The following CAMTA1 variants were observed in gnomAD, a reference collection of about 807,000 sequenced individuals.
CAMTA1 encodes the protein calmodulin binding transcription activator 1.
CAMTA1 carries 27 observed loss-of-function variants against 170.9 expected under a neutral mutation model. That is an observed-to-expected ratio of 0.16 (90% CI 0.12 to 0.22). CAMTA1 has a LOEUF of 0.22. CAMTA1 is among the 10% of genes least tolerant of loss of function. The pLI, the probability that CAMTA1 is intolerant of heterozygous loss-of-function variation, is 1.00. For synonymous variants in CAMTA1, 833 were observed against 891.5 expected, an observed-to-expected ratio of 0.93 and a Z score of 1.17; for missense variants, 1,619 against 2,217.2, an observed-to-expected ratio of 0.73 and a Z score of 5.42.
chr1:7,363,244 A>T (rs2085694688), intron 5 of CAMTA1, among the ~76,000 whole-genome samples: 1 of 152,234 alleles, frequency 6.6e-6, no homozygotes, highest in Non-Finnish European at 1.5e-5. Flanking sequence ...TGGGTGATTA[A>T]TATCTCTTTT....
At chr1:7,310,659 CTT>C (rs56760357) in intron 5 of CAMTA1, among the ~76,000 whole-genome samples, 1 of 42,102 alleles carries the variant, frequency 2.4e-5, no homozygotes, top group East Asian at 5.2e-4. Flanking sequence ...TTCTTTCTTT[CTT>C]TCTTTCTTTC....
Position 6,887,718 on chromosome 1 carries a change from AG to A in CAMTA1, c.234+62511del, listed in dbSNP as rs1335052144. The A allele has an allele frequency of 6.5e-7, 1 of 1,535,340 alleles. No homozygotes were observed. The highest frequency in any genetic ancestry group is 8.7e-7 in the Non-Finnish European group (1 of 1,146,638). ...AGGGATCCACAGAGCTGGAGCCATG[AG>A]GGCTGACACATTGGAATGAAAGCTG... On this transcript the variant is annotated intron_variant, in intron 3 of 22. Transcript: ENST00000303635. The surrounding 1 kb of genome is among the most constrained non-coding windows in gnomAD (Gnocchi z 4.1).
intron 5 of CAMTA1, among the ~76,000 whole-genome samples, chr1:7,398,154 GCTCTCTCTCTCTCTCT>G (rs371668581): frequency 1.5e-4 from 4 of 26,262 alleles, no homozygotes; most frequent in African/African-American, 2.1e-4. Flanking sequence ...TAATAATATT[GCTCTCTCTCTCTCTCT>G]CTCTCTCTCT....
At chr1:6,829,733 G>A (rs943602888) in intron 3 of CAMTA1, among the ~76,000 whole-genome samples, 51 of 152,314 alleles carry the variant, frequency 3.3e-4, no homozygotes, top group Admixed American at 3.1e-3. Flanking sequence ...GGGGACGGGG[G>A]AGTTCAGCCG....
At chr1:6,936,210 T>C (rs1322317204) in intron 3 of CAMTA1, among the ~76,000 whole-genome samples, 1 of 152,230 alleles carries the variant, frequency 6.6e-6, no homozygotes, top group African/African-American at 2.4e-5. Flanking sequence ...GCCTATGATG[T>C]GTTGTTTTCG....
intron 3 of CAMTA1, among the ~76,000 whole-genome samples, chr1:7,059,323 T>A (rs1558039214): frequency 6.6e-6 from 1 of 151,434 alleles, no homozygotes; most frequent in South Asian, 2.1e-4. Flanking sequence ...GTTAGAGGAG[T>A]TTAAGAAATC....
intron 11 of CAMTA1, among the ~76,000 whole-genome samples, chr1:7,718,188 G>A (rs1468371025): frequency 2.0e-5 from 3 of 148,704 alleles, no homozygotes; most frequent in Admixed American, 2.0e-4. Context: ...GTCTTAGCCA[G>A]CAGTGGGCGT....
At position 7,634,813 on chromosome 1, in the gene CAMTA1, G is replaced by A. The variant is rs1033309177; in HGVS notation, c.511-5587G>A. On this transcript the variant is annotated intron_variant, in intron 6 of 22. Transcript: ENST00000303635. The surrounding 1 kb of genome is among the most constrained non-coding windows in gnomAD (Gnocchi z 6.2). ...GGGTTTGGTTTTGGTGGTGGTTGGT[G>A]GTGGTAGAGCGGGGCCTCTGTCTCT... 2.0e-5 allele frequency among the ~76,000 whole-genome samples: 3 copies of A among 152,138 alleles called. No individual in the cohort carries two copies. The highest frequency in any genetic ancestry group is 7.2e-5 in the African/African-American group (3 of 41,418).
At chr1:6,926,419 TTTTCTC>T (rs201390340) in intron 3 of CAMTA1, among the ~76,000 whole-genome samples, 45 of 145,832 alleles carry the variant, frequency 3.1e-4, no homozygotes, top group African/African-American at 1.2e-3. Context: ...CTCTCTTTTC[TTTTCTC>T]TTTCTTTCTT....
intron 1 of CAMTA1, among the ~76,000 whole-genome samples, chr1:6,817,444 T>G (rs1645957403): frequency 6.6e-6 from 1 of 152,182 alleles, no homozygotes. Flanking sequence ...GAAGTCAGCG[T>G]GCTGCTGACT....
intron 3 of CAMTA1, among the ~76,000 whole-genome samples, chr1:7,022,980 T>TA (rs944190777): frequency 6.6e-6 from 1 of 152,150 alleles, no homozygotes; most frequent in African/African-American, 2.4e-5. Flanking sequence ...GTAAACCCCT[T>TA]AAGGGCTGAG....
intron 3 of CAMTA1, among the ~76,000 whole-genome samples, chr1:7,037,610 C>CAGGCGG (rs200393728): frequency 0.017 from 2,541 of 152,238 alleles, 76 homozygotes; most frequent in African/African-American, 0.058. Context: ...AAGGCCGAGG[C>CAGGCGG]AGGCGGATCA....
intron 5 of CAMTA1, among the ~76,000 whole-genome samples, chr1:7,298,348 C>G (rs992571616): frequency 6.6e-6 from 1 of 152,022 alleles, no homozygotes; most frequent in African/African-American, 2.4e-5. Context: ...GTCTTTTCCT[C>G]TCTATGAAAG....
At position 7,251,484 on chromosome 1, in the gene CAMTA1, G is replaced by A. The variant is rs537457299; in HGVS notation, c.438+1858G>A. Among the ~76,000 whole-genome samples the A allele has an allele frequency of 1.3e-5, 2 of 152,248 alleles. No individual in the cohort carries two copies. The highest frequency in any genetic ancestry group is 2.1e-4 in the South Asian group (1 of 4,812). ...GGCAGTGTGGGCAGCGGGAAGAGCC[G>A]GTGACACGATGCTTGCTTTGGGTTC... On this transcript the variant is annotated intron_variant, in intron 5 of 22. Coordinates refer to ENST00000303635, the MANE Select transcript of CAMTA1 (RefSeq NM_015215.4). The surrounding 1 kb of genome is among the most constrained non-coding windows in gnomAD (Gnocchi z 5.1).
chr1:7,318,412 A>G lies in CAMTA1; in HGVS notation c.438+68786A>G, dbSNP rs114723105. 6.0e-3 allele frequency among the ~76,000 whole-genome samples: 920 copies of G among 152,302 alleles called. 6 individuals carry two copies. Among genetic ancestry groups the G allele is most frequent in the African/African-American group, 0.02 (824 of 41,574 alleles). On this transcript the variant is annotated intron_variant, in intron 5 of 22. Coordinates refer to ENST00000303635, the MANE Select transcript of CAMTA1 (RefSeq NM_015215.4). The stretch of plus-strand genomic sequence containing the variant: ...ATAGCACTGGACAACTTAACAGGGA[A>G]TGGGAGGCGAAGGCCAGTGAGTTTC...
At chr1:7,246,695 C>G (rs11120885) in intron 4 of CAMTA1, among the ~76,000 whole-genome samples, 67,421 of 113,396 alleles carry the variant, frequency 0.59, 19,222 homozygotes, top group East Asian at 0.7. Flanking sequence ...TTTTTTTTGA[C>G]ATGCTTTGTG....
chr1:6,868,577 TTGTC>T (rs1183292155), intron 3 of CAMTA1, among the ~76,000 whole-genome samples: 8 of 152,286 alleles, frequency 5.3e-5, no homozygotes, highest in South Asian at 2.1e-4. Flanking sequence ...TCTTTGTTCT[TTGTC>T]TGTTTAGTTG....
rs139799471 is a variant in CAMTA1 at position 7,172,190 on chromosome 1, C to T, written c.303-77301C>T. 8.0e-3 allele frequency among the ~76,000 whole-genome samples: 1,214 copies of T among 152,016 alleles called. 14 individuals are homozygous for T. Among genetic ancestry groups the T allele is most frequent in the African/African-American group, 0.027 (1,128 of 41,442 alleles). On this transcript the variant is annotated intron_variant, in intron 4 of 22. Transcript: ENST00000303635. ...TTTTTGAGATGGAGTCTCGCTGTTG[C>T]CCAGGCTGGAGTGCAGTGGCGCTAT...
chr1:7,544,419 G>A (rs1263351578), intron 6 of CAMTA1, among the ~76,000 whole-genome samples: 1 of 152,108 alleles, frequency 6.6e-6, no homozygotes, highest in African/African-American at 2.4e-5. Context: ...CACATCAGTT[G>A]GGGAAGACTC....
Sources: allele counts gnomAD v4.1 joint callset (sites outside exome capture counted in the v4.1 genomes callset), GRCh38; gene constraint gnomAD v4.1.1; non-coding constraint Gnocchi (gnomAD v3.1); transcripts MANE v1.5; gene names NCBI Gene and HGNC (gene_info 2026-07-23, HGNC 2026-07-21).